GPATCH2: variants seen among roughly 807,000 people sequenced by gnomAD.
The protein encoded by GPATCH2 is G patch domain-containing protein 2.
GPATCH2 carries 51 observed loss-of-function variants against 58.0 expected under a neutral mutation model. The ratio of observed to expected loss-of-function variants is 0.88; its 90% CI spans 0.70 to 1.11. The LOEUF (loss-of-function observed/expected upper bound fraction) is 1.11. GPATCH2 is among the 50% of genes most tolerant of loss of function. GPATCH2 has a pLI of 0.00. For missense variants in GPATCH2, 625 were observed against 652.2 expected, an observed-to-expected ratio of 0.96 and a Z score of 0.45; for synonymous variants, 222 against 218.5, an observed-to-expected ratio of 1.02 and a Z score of -0.14.
chr1:217,508,683 A>C (rs1662686644), intron 6 of GPATCH2, among the ~76,000 whole-genome samples: 1 of 152,084 alleles, frequency 6.6e-6, no homozygotes, highest in Non-Finnish European at 1.5e-5. Context: ...TTTATTTTTA[A>C]CATTTTAATA....
chr1:217,448,907 CT>C (rs1659518388), intron 9 of GPATCH2, among the ~76,000 whole-genome samples: 1 of 152,166 alleles, frequency 6.6e-6, no homozygotes, highest in Non-Finnish European at 1.5e-5. Flanking sequence ...CTATTAATCT[CT>C]TCTGGGGTTA....
At chr1:217,548,014 G>A (rs1320783524) in intron 5 of GPATCH2, among the ~76,000 whole-genome samples, 1 of 152,170 alleles carries the variant, frequency 6.6e-6, no homozygotes, top group Non-Finnish European at 1.5e-5. Flanking sequence ...TGCCATGATA[G>A]TTAAGTTTCC....
intron 1 of GPATCH2, 27 bp from the exon 2 acceptor site, chr1:217,620,526 A>G (rs748597090): frequency 1.4e-6 from 2 of 1,402,362 alleles, no homozygotes; most frequent in Admixed American, 1.9e-5. Flanking sequence ...AAGAAAAAAG[A>G]AAATAGTCAG....
Position 217,612,266 on chromosome 1 carries a change from T to C in GPATCH2, c.836-1195A>G, listed in dbSNP as rs559587430. On this transcript the variant is annotated intron_variant, in intron 3 of 9. Transcript: ENST00000366935. ...TGATCTGCGATTCATTAAAGTCTCC[T>C]TCCCTTGATTATGAGAAGCCACCAC... Among the ~76,000 whole-genome samples, 3 of 152,274 alleles carry C rather than the reference T, an allele frequency of 2.0e-5. No individual in the cohort carries two copies. In the East Asian group the frequency reaches 5.8e-4, roughly 29 times the overall value.
At chr1:217,511,043 G>A (rs539380543) in intron 6 of GPATCH2, among the ~76,000 whole-genome samples, 1 of 152,300 alleles carries the variant, frequency 6.6e-6, no homozygotes, top group Non-Finnish European at 1.5e-5. Context: ...GTTGCAGTGA[G>A]CTGAGATCAC....
intron 8 of GPATCH2, among the ~76,000 whole-genome samples, chr1:217,487,767 G>A (rs1661523549): frequency 6.7e-6 from 1 of 149,676 alleles, no homozygotes; most frequent in South Asian, 2.1e-4. Context: ...TTTGGAGACT[G>A]AGTCTCACTC....
intron 5 of GPATCH2, among the ~76,000 whole-genome samples, chr1:217,552,191 T>C (rs750436132): frequency 1.3e-5 from 2 of 152,122 alleles, no homozygotes; most frequent in African/African-American, 4.8e-5. Flanking sequence ...AAAACCTCTC[T>C]GATGTATATG....
chr1:217,437,024 G>A (rs1238190107), intron 9 of GPATCH2, among the ~76,000 whole-genome samples: 1 of 152,152 alleles, frequency 6.6e-6, no homozygotes, highest in African/African-American at 2.4e-5. Flanking sequence ...ATTTCCAGCT[G>A]AGGTACCTGG....
intron 5 of GPATCH2, among the ~76,000 whole-genome samples, chr1:217,554,593 C>G (rs1456468051): frequency 6.6e-6 from 1 of 152,160 alleles, no homozygotes; most frequent in East Asian, 1.9e-4. Context: ...ATATATATAC[C>G]CATTGATAAG....
Position 217,544,125 on chromosome 1 carries a change from T to C in GPATCH2, c.1099-29236A>G, listed in dbSNP as rs574438518. On this transcript the variant is annotated intron_variant, in intron 5 of 9. Transcript: ENST00000366935. ...TGAAACTGCAATAACCTGGGCACAGTGGCTCATGTCTGTAATCCCAGCACT... is the reference window on the plus strand; with the variant it reads ...TGAAACTGCAATAACCTGGGCACAGCGGCTCATGTCTGTAATCCCAGCACT... Among the ~76,000 whole-genome samples, 3 of 152,350 alleles carry C rather than the reference T, an allele frequency of 2.0e-5. No individual in the cohort carries two copies. In the South Asian group the frequency reaches 6.2e-4, roughly 32 times the overall value.
intron 5 of GPATCH2, among the ~76,000 whole-genome samples, chr1:217,596,320 A>G (rs1408084972): frequency 1.3e-5 from 2 of 152,176 alleles, no homozygotes; most frequent in East Asian, 1.9e-4. Context: ...TTGGAAATAT[A>G]TATTTTACCC....
At chr1:217,569,107 T>C (rs1289483023) in intron 5 of GPATCH2, among the ~76,000 whole-genome samples, 1 of 150,550 alleles carries the variant, frequency 6.6e-6, no homozygotes, top group Non-Finnish European at 1.5e-5. Flanking sequence ...AAAAAGACAA[T>C]AGTGATATTT....
chr1:217,443,118 T>C (rs1369443891), intron 9 of GPATCH2, among the ~76,000 whole-genome samples: 1 of 152,230 alleles, frequency 6.6e-6, no homozygotes, highest in Non-Finnish European at 1.5e-5. Flanking sequence ...ATTACTTTTA[T>C]ACAGTCAATA....
intron 1 of GPATCH2, among the ~76,000 whole-genome samples, chr1:217,622,931 C>T (rs777928867): frequency 2.6e-4 from 40 of 152,216 alleles, no homozygotes; most frequent in Non-Finnish European, 5.4e-4. Flanking sequence ...ACAGAGGCTA[C>T]AACTTTGACT....
chr1:217,576,485 G>C (rs980634772), intron 5 of GPATCH2, among the ~76,000 whole-genome samples: 1 of 152,110 alleles, frequency 6.6e-6, no homozygotes, highest in African/African-American at 2.4e-5. Context: ...ATGCAAATGG[G>C]TTCCCAAATT....
At chr1:217,604,463 A>G (rs1275986679) in intron 5 of GPATCH2, among the ~76,000 whole-genome samples, 5 of 152,150 alleles carry the variant, frequency 3.3e-5, no homozygotes, top group African/African-American at 1.2e-4. Context: ...TATTTAAAAT[A>G]TAACAGTTTA....
At chr1:217,479,268 C>T (rs1186788475) in intron 8 of GPATCH2, among the ~76,000 whole-genome samples, 1 of 152,026 alleles carries the variant, frequency 6.6e-6, no homozygotes, top group African/African-American at 2.4e-5. Flanking sequence ...GTCTAAACTA[C>T]TCAAGTAGAA....
At chr1:217,607,099 T>G (rs889584505) in intron 5 of GPATCH2, among the ~76,000 whole-genome samples, 7 of 152,196 alleles carry the variant, frequency 4.6e-5, no homozygotes, top group African/African-American at 1.7e-4. Flanking sequence ...TAAAACTAAA[T>G]ACAGTCAATC....
At chr1:217,487,375 T>C (rs1461825607) in intron 8 of GPATCH2, among the ~76,000 whole-genome samples, 1 of 152,064 alleles carries the variant, frequency 6.6e-6, no homozygotes, top group Non-Finnish European at 1.5e-5. Flanking sequence ...CCACATGTCT[T>C]GATATTAATA....
Sources: gnomAD v4.1 joint callset for allele counts (sites outside exome capture counted in the v4.1 genomes callset) on GRCh38, gnomAD v4.1.1 for gene constraint, MANE v1.5 for transcripts, NCBI Gene and HGNC (gene_info 2026-07-23, HGNC 2026-07-21) for gene names.